NRIP1: variants seen among roughly 807,000 people sequenced by gnomAD.
NRIP1 encodes the protein nuclear receptor interacting protein 1.
NRIP1 carries 28 observed loss-of-function variants against 75.0 expected under a neutral mutation model. That is an observed-to-expected ratio of 0.37 (90% confidence interval 0.28 to 0.51). The LOEUF (loss-of-function observed/expected upper bound fraction) is 0.51, where lower values mean the gene tolerates loss of function less well. Ranked by LOEUF, NRIP1 falls within the 20% of genes least tolerant of loss-of-function variation. The pLI, the probability that NRIP1 is intolerant of heterozygous loss-of-function variation, is 0.92. For missense variants in NRIP1, 1,435 were observed against 1,343.7 expected, an observed-to-expected ratio of 1.07 and a Z score of -1.06; for synonymous variants, 526 against 487.6, an observed-to-expected ratio of 1.08 and a Z score of -1.04.
chr21:15,012,447 CTTTTTTTTT>C (rs869160226), intron 3 of NRIP1, among the ~76,000 whole-genome samples: 2 of 79,376 alleles, frequency 2.5e-5, no homozygotes, highest in East Asian at 5.1e-4. Context: ...ATTATAATGT[CTTTTTTTTT>C]TTTTTTTTTT....
In NRIP1 at chr21:14,979,029, C is replaced by T. The variant is rs1231204496; in HGVS notation, c.-334-10503G>A. On this transcript the variant is annotated intron_variant, in intron 3 of 3. Transcript: ENST00000318948. The stretch of plus-strand genomic sequence containing the variant: ...GAAAACTATTACATGACAGACAGTA[C>T]ATACCTATTTATGATTAGTACTAAT... 5.9e-5 allele frequency among the ~76,000 whole-genome samples: 9 copies of T among 152,304 alleles called. No individual in the cohort carries two copies. In the East Asian group the frequency reaches 1.7e-3, roughly 29 times the overall value.
intron 3 of NRIP1, among the ~76,000 whole-genome samples, chr21:15,004,704 T>A (rs1600858779): frequency 6.6e-6 from 1 of 152,326 alleles, no homozygotes; most frequent in South Asian, 2.1e-4. Context: ...TTAACTAAGA[T>A]TAATTTTTTT....
intron 3 of NRIP1, among the ~76,000 whole-genome samples, chr21:14,979,547 C>A (rs2087172318): frequency 6.6e-6 from 1 of 152,202 alleles, no homozygotes; most frequent in Non-Finnish European, 1.5e-5. Flanking sequence ...ACACTCTGCA[C>A]TTACCCACAT....
chr21:14,988,465 A>ACAGG (rs2087469559), intron 3 of NRIP1, among the ~76,000 whole-genome samples: 1 of 150,476 alleles, frequency 6.6e-6, no homozygotes, highest in African/African-American at 2.5e-5. Flanking sequence ...AGACAGACAG[A>ACAGG]TAGATAGATA....
intron 2 of NRIP1, among the ~76,000 whole-genome samples, chr21:15,038,378 A>G (rs1037447031): frequency 7.2e-5 from 11 of 152,068 alleles, no homozygotes; most frequent in African/African-American, 2.2e-4. Flanking sequence ...CCAAAGAGGA[A>G]ATTTGGAAAA....
At chr21:14,979,859 C>A (rs372184328) in intron 3 of NRIP1, among the ~76,000 whole-genome samples, 4 of 150,364 alleles carry the variant, frequency 2.7e-5, no homozygotes. Flanking sequence ...TATATATATG[C>A]TTGCACTTTT....
chr21:15,043,601 C>T (rs1945976747), intron 1 of NRIP1, 27 bp from the exon 2 acceptor site: 1 of 152,126 alleles, frequency 6.6e-6, no homozygotes, highest in South Asian at 2.1e-4. Context: ...ATAAGTGTTA[C>T]TTCAAGTGCA....
At chr21:15,044,717 C>T (rs1281502094) in intron 1 of NRIP1, among the ~76,000 whole-genome samples, 1 of 152,140 alleles carries the variant, frequency 6.6e-6, no homozygotes, top group Admixed American at 6.6e-5. Context: ...TTTCATTTTA[C>T]TGGGGGCCCT....
chr21:14,994,016 C>T lies in NRIP1; in HGVS notation c.-335+20328G>A, dbSNP rs183573756. On this transcript the variant is annotated intron_variant, in intron 3 of 3. Coordinates refer to ENST00000318948, the MANE Select transcript of NRIP1 (RefSeq NM_003489.4). ...TCATGTATTTATATATTTTACTATG[C>T]CTTGGTACTTTCAATCATATGACAC... Among the ~76,000 whole-genome samples the T allele has an allele frequency of 1.7e-3, 254 of 152,146 alleles. 1 individual carries two copies. The highest frequency in any genetic ancestry group is 8.7e-3 in the East Asian group (45 of 5,180).
chr21:15,026,908 C>T (rs1237941741), intron 2 of NRIP1, among the ~76,000 whole-genome samples: 3 of 152,012 alleles, frequency 2.0e-5, no homozygotes, highest in Admixed American at 6.6e-5. Flanking sequence ...TTGTTTGCAA[C>T]TAAATGTATA....
chr21:15,046,955 G>T (rs1003213719), intron 1 of NRIP1, among the ~76,000 whole-genome samples: 1 of 152,148 alleles, frequency 6.6e-6, no homozygotes, highest in Non-Finnish European at 1.5e-5. Flanking sequence ...TCTGGATTAG[G>T]TTTTGGCTTA....
intron 3 of NRIP1, among the ~76,000 whole-genome samples, chr21:15,011,622 G>A (rs774942255): frequency 1.5e-4 from 23 of 152,082 alleles, no homozygotes; most frequent in Non-Finnish European, 2.2e-4. Flanking sequence ...TAGAGAACTC[G>A]TCCTAGTGGA....
At position 14,963,229 on chromosome 21, in the gene NRIP1, G is replaced by T. The variant is rs1299567373; in HGVS notation, c.*1487C>A. On this transcript the variant is annotated 3_prime_UTR_variant, in exon 4 of 4. Transcript: ENST00000318948. The stretch of plus-strand genomic sequence containing the variant: ...GTTTAAACTAAATGTTGTAAGCTTT[G>T]TTGGCATTGTTCTTAGGACAATGGT... 1 of 152,458 alleles carries T rather than the reference G, an allele frequency of 6.6e-6. No homozygotes were observed. Among genetic ancestry groups the T allele is most frequent in the Non-Finnish European group, 1.5e-5 (1 of 67,958 alleles). The allele number at this position is 152,458 out of a possible 1,614,324, so 9.4% of individuals were successfully genotyped here.
At chr21:15,059,788 G>T (rs1041684045) in intron 1 of NRIP1, among the ~76,000 whole-genome samples, 1 of 151,882 alleles carries the variant, frequency 6.6e-6, no homozygotes, top group Non-Finnish European at 1.5e-5. Context: ...CCCAAAGAGT[G>T]TTTTCTTCCT....
intron 2 of NRIP1, among the ~76,000 whole-genome samples, chr21:15,039,415 C>G (rs1179404082): frequency 6.6e-6 from 1 of 152,116 alleles, no homozygotes; most frequent in Non-Finnish European, 1.5e-5. Flanking sequence ...GGTCAATAGT[C>G]CCTTATCCAC....
chr21:15,043,824 T>C (rs1260775151), intron 1 of NRIP1, among the ~76,000 whole-genome samples: 1 of 152,142 alleles, frequency 6.6e-6, no homozygotes, highest in African/African-American at 2.4e-5. Context: ...GTTTTTTTGT[T>C]TGTTTGTTTT....
At chr21:15,050,975 TTAG>T (rs2089188834) in intron 1 of NRIP1, 2 of 446,944 alleles carry the variant, frequency 4.5e-6, no homozygotes, top group South Asian at 3.1e-5. Context: ...CTATAGCTTA[TTAG>T]TAGTAGTAGC....
Position 14,965,531 on chromosome 21 carries a change from C to G in NRIP1, c.2662G>C (p.Glu888Gln). Residue 888 changes from glutamate (E) to glutamine (Q), a missense_variant, in exon 4 of 4, where the codon GAA (glutamate) becomes CAA (glutamine). Glu to Gln is a conservative substitution (Grantham distance 29). Coordinates refer to ENST00000318948, the MANE Select transcript of NRIP1 (RefSeq NM_003489.4). ...TTAAGCAAGGACCCATACAGTACTTCTGGGGCACTGTGATTGTTTGCAGCA... is the reference window on the plus strand; with the variant it reads ...TTAAGCAAGGACCCATACAGTACTTGTGGGGCACTGTGATTGTTTGCAGCA... ...VDAANNHSAP[E>Q]VLYGSLLNQE... The G allele has an allele frequency of 6.2e-7, 1 of 1,614,072 alleles. No individual in the cohort carries two copies. Among genetic ancestry groups the G allele is most frequent in the Non-Finnish European group, 8.5e-7 (1 of 1,179,954 alleles).
Position 14,974,858 on chromosome 21 carries a change from A to C in NRIP1, c.-334-6332T>G, listed in dbSNP as rs148426757. Among the ~76,000 whole-genome samples the C allele has an allele frequency of 7.4e-4, 113 of 152,324 alleles. No homozygotes were observed. The Middle Eastern group carries it at 0.01, about 14-fold the overall frequency. On this transcript the variant is annotated intron_variant, in intron 3 of 3. Coordinates refer to ENST00000318948, the MANE Select transcript of NRIP1 (RefSeq NM_003489.4). ...CGCAGTGGCTCATGCCTGTAACTTC[A>C]GCACTTTCAGAGGCTGAGGCAGGAT...
Sources: gnomAD v4.1 joint callset for allele counts (sites outside exome capture counted in the v4.1 genomes callset) on GRCh38, gnomAD v4.1.1 for gene constraint, MANE v1.5 for transcripts, NCBI Gene and HGNC (gene_info 2026-07-23, HGNC 2026-07-21) for gene names.